RBFOX1: variants seen among roughly 807,000 people sequenced by gnomAD.
RBFOX1 encodes the protein RNA binding protein fox-1 homolog 1.
Under a neutral mutation model 57.7 loss-of-function variants are expected in RBFOX1, and 8 were observed. The observed-to-expected ratio is 0.14, with a 90% CI of 0.08 to 0.25. The LOEUF (loss-of-function observed/expected upper bound fraction) is 0.25. RBFOX1 is among the 10% of genes least tolerant of loss of function. The pLI, the probability that RBFOX1 is intolerant of heterozygous loss-of-function variation, is 1.00. For missense variants in RBFOX1, 611 were observed against 548.5 expected (o/e 1.11, Z -1.14); for synonymous variants, 326 against 222.4 (o/e 1.47, Z -4.15).
At chr16:6,264,745 C>A (rs972700226) in intron 1 of RBFOX1, among the ~76,000 whole-genome samples, 1 of 152,172 alleles carries the variant, frequency 6.6e-6, no homozygotes, top group Non-Finnish European at 1.5e-5. Flanking sequence ...GTGCTCAGCT[C>A]TTTTTTGCAG....
intron 2 of RBFOX1, among the ~76,000 whole-genome samples, chr16:6,641,770 A>AG (rs2098491680): frequency 4.5e-5 from 1 of 22,196 alleles, no homozygotes. Flanking sequence ...AAAAAAAAAA[A>AG]AAAAAAAATA....
chr16:6,746,575 G>A (rs966829050), intron 3 of RBFOX1, among the ~76,000 whole-genome samples: 1 of 151,998 alleles, frequency 6.6e-6, no homozygotes, highest in African/African-American at 2.4e-5. Context: ...CTACCTGGGA[G>A]GCTGAACTGG....
chr16:6,780,357 A>ATACATAT lies in RBFOX1; in HGVS notation c.-16+125709_-16+125710insCATATTA, dbSNP rs1567216293. Among the ~76,000 whole-genome samples, 85 of 99,934 alleles carry ATACATAT rather than the reference A, an allele frequency of 8.5e-4. 2 individuals carry two copies. The highest frequency in any genetic ancestry group is 1.8e-3 in the African/African-American group (40 of 21,834). The allele number at this position is 99,934 out of a possible 152,430, so 65.6% of individuals were successfully genotyped here. On this transcript the variant is annotated intron_variant, in intron 3 of 15. Transcript: ENST00000550418. ...TTTATACATATTTATATACATATTT[A>ATACATAT]TATACATATTTATAGATATATTTAT...
chr16:6,916,450 T>C (rs2073176855), intron 3 of RBFOX1, among the ~76,000 whole-genome samples: 1 of 152,178 alleles, frequency 6.6e-6, no homozygotes, highest in South Asian at 2.1e-4. Context: ...TGTGGTCTAA[T>C]ACACCTTTGG....
At chr16:6,094,639 G>C (rs1311095178) in intron 1 of RBFOX1, among the ~76,000 whole-genome samples, 1 of 152,178 alleles carries the variant, frequency 6.6e-6, no homozygotes, top group Non-Finnish European at 1.5e-5. Flanking sequence ...TTTATTCCAA[G>C]TTCTCCAGTG....
chr16:7,530,059 T>A (rs1311754396), intron 5 of RBFOX1, among the ~76,000 whole-genome samples: 1 of 150,422 alleles, frequency 6.6e-6, no homozygotes, highest in Non-Finnish European at 1.5e-5. Context: ...TAAGGGAGAC[T>A]GTATTTCAGG....
chr16:7,090,216 G>C (rs2060598319), intron 4 of RBFOX1, among the ~76,000 whole-genome samples: 1 of 152,084 alleles, frequency 6.6e-6, no homozygotes, highest in Non-Finnish European at 1.5e-5. Context: ...AAAATGAAGA[G>C]ACAAGGAGAG....
At chr16:7,033,910 A>G (rs2043498494) in intron 3 of RBFOX1, among the ~76,000 whole-genome samples, 1 of 152,340 alleles carries the variant, frequency 6.6e-6, no homozygotes, top group Middle Eastern at 3.4e-3. Context: ...TTCAAGCTGC[A>G]GTGAGCTATG....
At chr16:7,506,759 A>G (rs1296543775) in intron 4 of RBFOX1, among the ~76,000 whole-genome samples, 3 of 152,062 alleles carry the variant, frequency 2.0e-5, no homozygotes, top group Non-Finnish European at 4.4e-5. Context: ...TTTGTTTAGC[A>G]CCTCAGTTTT....
chr16:6,494,259 A>G (rs977796077), intron 2 of RBFOX1, among the ~76,000 whole-genome samples: 2 of 152,104 alleles, frequency 1.3e-5, no homozygotes, highest in East Asian at 3.9e-4. Context: ...GTGTATATAT[A>G]TTGTTCTGTA....
chr16:5,516,745 A>C (rs115783839), intron 2 of RBFOX1, among the ~76,000 whole-genome samples: 4 of 151,942 alleles, frequency 2.6e-5, no homozygotes, highest in Non-Finnish European at 5.9e-5. Flanking sequence ...TGTTCTCGAG[A>C]TAGTGAGTTC....
At chr16:7,092,012 A>C (rs987718271) in intron 4 of RBFOX1, among the ~76,000 whole-genome samples, 1 of 152,206 alleles carries the variant, frequency 6.6e-6, no homozygotes. Flanking sequence ...CCTTTGTAGT[A>C]AAATTAGTCA....
At chr16:5,443,207 C>T (rs765197219) in intron 1 of RBFOX1, among the ~76,000 whole-genome samples, 2 of 152,124 alleles carry the variant, frequency 1.3e-5, no homozygotes, top group Non-Finnish European at 2.9e-5. Context: ...GAGACTAAGC[C>T]GTGCTCATTT....
chr16:6,987,504 C>T (rs576743549), intron 3 of RBFOX1, among the ~76,000 whole-genome samples: 52 of 143,180 alleles, frequency 3.6e-4, no homozygotes, highest in African/African-American at 1.2e-3. Flanking sequence ...CACACACACA[C>T]AGAGGCATGC....
At chr16:5,615,366 C>G (rs534068830) in intron 3 of RBFOX1, among the ~76,000 whole-genome samples, 3 of 152,172 alleles carry the variant, frequency 2.0e-5, no homozygotes, top group Non-Finnish European at 4.4e-5. Context: ...GGCAAAGCTG[C>G]CACTTTTTGA....
At chr16:7,254,799 T>C (rs1357377983) in intron 4 of RBFOX1, among the ~76,000 whole-genome samples, 1 of 152,180 alleles carries the variant, frequency 6.6e-6, no homozygotes, top group East Asian at 1.9e-4. Flanking sequence ...TATGTTGTAT[T>C]TCATACAATG....
intron 4 of RBFOX1, among the ~76,000 whole-genome samples, chr16:5,983,065 T>A (rs897926532): frequency 7.2e-5 from 11 of 152,196 alleles, no homozygotes; most frequent in African/African-American, 2.7e-4. Context: ...TGTCTGCAGC[T>A]CTGACTCAAG....
At chr16:6,425,979 A>T (rs1259274646) in intron 2 of RBFOX1, among the ~76,000 whole-genome samples, 1 of 151,244 alleles carries the variant, frequency 6.6e-6, no homozygotes. Flanking sequence ...CCTGGCTACC[A>T]CTAGGTACAC....
intron 4 of RBFOX1, among the ~76,000 whole-genome samples, chr16:7,369,959 A>G (rs965758726): frequency 2.0e-5 from 3 of 152,196 alleles, no homozygotes; most frequent in African/African-American, 7.2e-5. Flanking sequence ...CCACCATGCT[A>G]TTATGTGTCA....
Sources: allele counts gnomAD v4.1 joint callset (sites outside exome capture counted in the v4.1 genomes callset), GRCh38; gene constraint gnomAD v4.1.1; transcripts MANE v1.5; gene names NCBI Gene and HGNC (gene_info 2026-07-23, HGNC 2026-07-21).